The following DTNB variants were observed in gnomAD, a reference collection of about 807,000 sequenced individuals.
DTNB encodes the protein DTN-B.
In DTNB, 63 loss-of-function variants were observed where a neutral mutation model predicts 90.7. That is an observed-to-expected ratio of 0.69 (90% CI 0.57 to 0.86). DTNB has a LOEUF of 0.86. Among genes scored for constraint, DTNB ranks in the 40% least tolerant of loss-of-function variants. DTNB has a pLI of 0.00. For missense variants in DTNB, 744 were observed against 807.1 expected (o/e 0.92, Z 0.95); for synonymous variants, 277 against 286.7 (o/e 0.97, Z 0.34).
chr2:25,663,939 T>C (rs1171981712), intron 1 of DTNB, among the ~76,000 whole-genome samples: 2 of 152,190 alleles, frequency 1.3e-5, no homozygotes, highest in Non-Finnish European at 2.9e-5. Flanking sequence ...AAGGAACTTC[T>C]AAAAATGTAT....
intron 10 of DTNB, among the ~76,000 whole-genome samples, chr2:25,467,554 C>G (rs2062028527): frequency 6.6e-6 from 1 of 152,120 alleles, no homozygotes. Context: ...TCCTCCCACC[C>G]TGACCTCCCA....
intron 10 of DTNB, among the ~76,000 whole-genome samples, chr2:25,479,927 C>T (rs72851436): frequency 0.01 from 1,566 of 152,250 alleles, 26 homozygotes; most frequent in African/African-American, 0.036. Context: ...CAGAGTAAGG[C>T]TCTGTGGCTG....
chr2:25,379,227 GA>G, intron 20 of DTNB, 62 bp downstream of exon 20: 3 of 1,288,930 alleles, frequency 2.3e-6, no homozygotes, highest in South Asian at 2.8e-5. Flanking sequence ...GAAGGGAGGG[GA>G]AGGGAAGATG....
chr2:25,627,457 G>A (rs1232042887), intron 4 of DTNB, among the ~76,000 whole-genome samples: 2 of 151,798 alleles, frequency 1.3e-5, no homozygotes, highest in East Asian at 3.9e-4. Flanking sequence ...TCCAATATTT[G>A]ATGTTACAGA....
chr2:25,644,685 G>A (rs778343220), intron 2 of DTNB, among the ~76,000 whole-genome samples: 2 of 152,180 alleles, frequency 1.3e-5, no homozygotes, highest in Non-Finnish European at 2.9e-5. Context: ...CCCTGGAGGC[G>A]AAGGCGGAGG....
intron 9 of DTNB, among the ~76,000 whole-genome samples, chr2:25,513,509 G>T (rs2074363507): frequency 2.0e-5 from 3 of 152,126 alleles, no homozygotes; most frequent in Middle Eastern, 6.8e-3. Context: ...ATCACTTGGG[G>T]TCGGCAGTTT....
chr2:25,673,244 C>G (rs2086538756), intron 1 of DTNB, 142 bp downstream of exon 1: 1 of 151,884 alleles, frequency 6.6e-6, no homozygotes, highest in African/African-American at 2.4e-5. Context: ...CCGCGCCCTC[C>G]CCGACTCCTG....
intron 16 of DTNB, chr2:25,419,003 C>A: frequency 6.4e-6 from 1 of 156,962 alleles, no homozygotes; most frequent in Admixed American, 6.2e-5. Context: ...AACAGGAAAT[C>A]ATTGCAAGTG....
chr2:25,643,292 C>T (rs1487942538), intron 2 of DTNB, among the ~76,000 whole-genome samples: 3 of 152,184 alleles, frequency 2.0e-5, no homozygotes, highest in Admixed American at 6.5e-5. Context: ...GGCATGGCTT[C>T]TCCCAGATCC....
At chr2:25,654,783 C>A (rs990656227) in intron 1 of DTNB, among the ~76,000 whole-genome samples, 1 of 152,226 alleles carries the variant, frequency 6.6e-6, no homozygotes, top group African/African-American at 2.4e-5. Context: ...CTAGCTCCAA[C>A]ACTTGGACCC....
chr2:25,643,900 A>C (rs1351222073), intron 2 of DTNB, among the ~76,000 whole-genome samples: 1 of 152,186 alleles, frequency 6.6e-6, no homozygotes, highest in Non-Finnish European at 1.5e-5. Flanking sequence ...ACAGGTCATA[A>C]AGACCTTGCT....
At chr2:25,570,272 G>A (rs534425546) in intron 8 of DTNB, among the ~76,000 whole-genome samples, 10 of 151,824 alleles carry the variant, frequency 6.6e-5, no homozygotes, top group African/African-American at 2.4e-4. Context: ...TCTGGGAATG[G>A]TGGCACACGA....
chr2:25,670,871 C>T (rs11688001), intron 1 of DTNB, among the ~76,000 whole-genome samples: 42,016 of 151,974 alleles, frequency 0.28, 6,589 homozygotes, highest in Non-Finnish European at 0.37. Context: ...TTCTGAATAG[C>T]GTGACGAAAT....
chr2:25,468,540 A>T (rs1384124596), intron 10 of DTNB, among the ~76,000 whole-genome samples: 2 of 152,242 alleles, frequency 1.3e-5, no homozygotes, highest in Non-Finnish European at 2.9e-5. Flanking sequence ...AGAGAACCAC[A>T]GCAAGAAACT....
In DTNB at chr2:25,460,856, T is replaced by C. The variant is rs920051199; in HGVS notation, c.1080-5362A>G. On this transcript the variant is annotated intron_variant, in intron 10 of 20. Transcript: ENST00000406818. ...GTTTTTCTGAAATGGGAAGGAGAGA[T>C]ATAGAGGGTACCTAGAAAGGGAACT... Among the ~76,000 whole-genome samples the C allele has an allele frequency of 3.3e-5, 5 of 151,924 alleles. No homozygotes were observed. The East Asian group carries it at 9.7e-4, about 29-fold the overall frequency.
At chr2:25,598,394 T>G (rs1424733067) in intron 5 of DTNB, among the ~76,000 whole-genome samples, 1 of 152,168 alleles carries the variant, frequency 6.6e-6, no homozygotes, top group Non-Finnish European at 1.5e-5. Flanking sequence ...GGACTTCTTT[T>G]ATGTGAGAGA....
rs930871504 is a variant in DTNB at position 25,583,509 on chromosome 2, G to GT, written c.604-2684dup. 3.3e-3 allele frequency among the ~76,000 whole-genome samples: 479 copies of GT among 146,808 alleles called. 2 individuals are homozygous for GT. The highest frequency in any genetic ancestry group is 6.9e-3 in the African/African-American group (277 of 40,156). ...GATTTGCCTACCATGGAGTTTTTGT[G>GT]TTTTTTTTTTGTTGTTGTTGTTTTT... On this transcript the variant is annotated intron_variant, in intron 6 of 20. Coordinates refer to ENST00000406818, the MANE Select transcript of DTNB (RefSeq NM_021907.5).
intron 9 of DTNB, among the ~76,000 whole-genome samples, chr2:25,515,139 A>G (rs1289856450): frequency 1.3e-5 from 2 of 152,200 alleles, no homozygotes; most frequent in African/African-American, 2.4e-5. Flanking sequence ...CAATGCAAAC[A>G]CAGAAGGCAA....
chr2:25,505,023 C>A (rs1475655823), intron 9 of DTNB, among the ~76,000 whole-genome samples: 1 of 152,170 alleles, frequency 6.6e-6, no homozygotes. Flanking sequence ...TCATAAATTG[C>A]CCATTACTCT....
Sources: allele counts gnomAD v4.1 joint callset (sites outside exome capture counted in the v4.1 genomes callset), GRCh38; gene constraint gnomAD v4.1.1; transcripts MANE v1.5; gene names NCBI Gene and HGNC (gene_info 2026-07-23, HGNC 2026-07-21).